The following MORC1 variants were observed in gnomAD, a reference collection of about 807,000 sequenced individuals.
The protein encoded by MORC1 is MORC family CW-type zinc finger 1, also known as MORC family CW-type zinc finger protein 1.
A neutral mutation model predicts 134.9 loss-of-function variants in MORC1; 59 were observed. The observed-to-expected ratio is 0.44, with a 90% CI of 0.35 to 0.54. The LOEUF is 0.54. Ranked by LOEUF, MORC1 falls within the 20% of genes least tolerant of loss-of-function variation. The pLI, the probability that MORC1 is intolerant of heterozygous loss-of-function variation, is 0.00. For synonymous variants in MORC1, 395 were observed against 391.7 expected (o/e 1.01, Z -0.10); for missense variants, 947 against 1,134.5 (o/e 0.83, Z 2.37).
At chr3:108,964,491 C>T (rs964035726) in intron 26 of MORC1, among the ~76,000 whole-genome samples, 2 of 152,188 alleles carry the variant, frequency 1.3e-5, no homozygotes, top group African/African-American at 4.8e-5. Context: ...CCCTCCACTA[C>T]GTTGACTATG....
At chr3:109,017,063 T>C (rs374100395) in intron 17 of MORC1, among the ~76,000 whole-genome samples, 162 of 152,282 alleles carry the variant, frequency 1.1e-3, no homozygotes, top group African/African-American at 3.8e-3. Flanking sequence ...CAAAACTTCC[T>C]AACACAGCTT....
At chr3:109,027,177 G>A (rs10933974) in intron 17 of MORC1, among the ~76,000 whole-genome samples, 64,277 of 151,962 alleles carry the variant, frequency 0.42, 14,306 homozygotes, top group Middle Eastern at 0.55. Context: ...ATCTATAGAG[G>A]TTTAATTATT....
At chr3:108,976,250 G>C (rs893076294) in intron 24 of MORC1, among the ~76,000 whole-genome samples, 1 of 152,110 alleles carries the variant, frequency 6.6e-6, no homozygotes, top group Non-Finnish European at 1.5e-5. Context: ...ATGACGTCAC[G>C]TCCAAAGTGA....
chr3:109,093,872 T>C (rs1950777149), intron 7 of MORC1, among the ~76,000 whole-genome samples: 1 of 152,244 alleles, frequency 6.6e-6, no homozygotes. Flanking sequence ...AAGCTTGTGT[T>C]ATAGGTAAAG....
intron 25 of MORC1, among the ~76,000 whole-genome samples, chr3:108,969,955 T>G (rs1280633908): frequency 6.6e-6 from 1 of 152,094 alleles, no homozygotes; most frequent in Non-Finnish European, 1.5e-5. Context: ...TACAGCACAG[T>G]TAAAAAATTG....
intron 17 of MORC1, among the ~76,000 whole-genome samples, chr3:109,024,957 T>C (rs1032766198): frequency 1.3e-5 from 2 of 152,184 alleles, no homozygotes; most frequent in East Asian, 1.9e-4. Flanking sequence ...ACACTGAACA[T>C]TGCATGGTTT....
intron 17 of MORC1, among the ~76,000 whole-genome samples, chr3:109,020,563 G>A (rs572057852): frequency 7.2e-5 from 11 of 152,148 alleles, no homozygotes; most frequent in African/African-American, 2.6e-4. Context: ...TCAGGAGATC[G>A]AGACCATCCT....
At chr3:108,990,803 T>C (rs1948031941) in intron 21 of MORC1, among the ~76,000 whole-genome samples, 1 of 151,990 alleles carries the variant, frequency 6.6e-6, no homozygotes, top group South Asian at 2.1e-4. Context: ...TGAAAATACA[T>C]GTGTGCTGCT....
At chr3:109,021,070 G>A (rs987940728) in intron 17 of MORC1, among the ~76,000 whole-genome samples, 3 of 152,178 alleles carry the variant, frequency 2.0e-5, no homozygotes, top group Non-Finnish European at 4.4e-5. Flanking sequence ...GGGTACAGGC[G>A]TGGAGGCACA....
intron 17 of MORC1, among the ~76,000 whole-genome samples, chr3:109,012,223 T>G (rs1948702569): frequency 6.6e-6 from 1 of 152,206 alleles, no homozygotes. Context: ...CTCATTAAAA[T>G]GTCTTGATCC....
intron 22 of MORC1, among the ~76,000 whole-genome samples, chr3:108,986,258 A>C (rs1487295115): frequency 6.6e-6 from 1 of 152,184 alleles, no homozygotes; most frequent in African/African-American, 2.4e-5. Context: ...AATAAAAATT[A>C]CAGTAATAAT....
intron 22 of MORC1, among the ~76,000 whole-genome samples, 150 bp downstream of exon 22, chr3:108,986,718 CCCTCTCTCTACT>C (rs1371099146): frequency 6.6e-6 from 1 of 152,036 alleles, no homozygotes; most frequent in Non-Finnish European, 1.5e-5. Flanking sequence ...TGGCAGCTCA[CCCTCTCTCTACT>C]CCTCTCACTT....
At chr3:109,109,037 C>A (rs895545229) in intron 3 of MORC1, among the ~76,000 whole-genome samples, 1 of 152,210 alleles carries the variant, frequency 6.6e-6, no homozygotes, top group African/African-American at 2.4e-5. Context: ...ACACTTAGTG[C>A]GAGTCAACCG....
chr3:109,059,447 A>C (rs1950030699), intron 12 of MORC1, among the ~76,000 whole-genome samples: 1 of 152,196 alleles, frequency 6.6e-6, no homozygotes, highest in Admixed American at 6.5e-5. Flanking sequence ...CCAGAATTTA[A>C]ATGGCAAATG....
At chr3:109,091,446 A>AAATAAAT (rs1553762144) in intron 8 of MORC1, among the ~76,000 whole-genome samples, 37,276 of 146,862 alleles carry the variant, frequency 0.25, 5,183 homozygotes, top group Middle Eastern at 0.31. Context: ...TCCATCTAAA[A>AAATAAAT]AAATAAATAA....
At chr3:109,024,862 G>A (rs1014164119) in intron 17 of MORC1, among the ~76,000 whole-genome samples, 8 of 152,152 alleles carry the variant, frequency 5.3e-5, no homozygotes, top group Non-Finnish European at 8.8e-5. Flanking sequence ...GCCAATGATG[G>A]CCTGTTTTTC....
At chr3:109,112,147 C>G (rs181365625) in intron 2 of MORC1, among the ~76,000 whole-genome samples, 1 of 152,122 alleles carries the variant, frequency 6.6e-6, no homozygotes, top group African/African-American at 2.4e-5. Flanking sequence ...AGCACTTCCA[C>G]GGATTAAGGC....
chr3:109,114,255 A>G (rs1194450592), intron 2 of MORC1, 129 bp downstream of exon 2: 2 of 724,414 alleles, frequency 2.8e-6, no homozygotes, highest in Non-Finnish European at 4.3e-6. Flanking sequence ...CCTTGATTTT[A>G]TAGGAAATCA....
chr3:109,029,182 CACTT>C (rs1470308184), intron 16 of MORC1, among the ~76,000 whole-genome samples: 2 of 152,198 alleles, frequency 1.3e-5, no homozygotes. Flanking sequence ...TGTGAAAAAA[CACTT>C]AATTCCACCC....
Sources: allele counts gnomAD v4.1 joint callset (sites outside exome capture counted in the v4.1 genomes callset), GRCh38; gene constraint gnomAD v4.1.1; transcripts MANE v1.5; gene names NCBI Gene and HGNC (gene_info 2026-07-23, HGNC 2026-07-21).